LMLN: variants seen among roughly 807,000 people sequenced by gnomAD.
LMLN encodes leishmanolysin-like peptidase.
Under a neutral mutation model 92.3 loss-of-function variants are expected in LMLN, and 70 were observed. The observed-to-expected ratio is 0.76, with a 90% CI of 0.63 to 0.92. LMLN has a LOEUF of 0.92. Among genes scored for constraint, LMLN ranks in the 40% least tolerant of loss-of-function variants. LMLN has a pLI of 0.00. For synonymous variants in LMLN, 308 were observed against 296.2 expected (o/e 1.04, Z -0.41); for missense variants, 691 against 814.6 (o/e 0.85, Z 1.85).
chr3:197,971,944 C>CT (rs756710031), intron 1 of LMLN, among the ~76,000 whole-genome samples: 6,737 of 81,188 alleles, frequency 0.083, 282 homozygotes, highest in African/African-American at 0.15. Flanking sequence ...AGTCTCTGTT[C>CT]TTTTTTTTTT....
intron 11 of LMLN, among the ~76,000 whole-genome samples, chr3:198,000,487 G>T (rs1221520591): frequency 3.9e-5 from 6 of 152,142 alleles, no homozygotes; most frequent in Non-Finnish European, 2.9e-5. Flanking sequence ...GAGTGCAGTG[G>T]TGTGATCTTG....
intron 11 of LMLN, among the ~76,000 whole-genome samples, chr3:198,015,216 T>C (rs13086235): frequency 1.9e-4 from 23 of 120,280 alleles, no homozygotes; most frequent in South Asian, 3.0e-4. Context: ...TTTCAGAGCC[T>C]CCTAACTAGT....
At chr3:197,988,371 C>T (rs1232205139) in intron 8 of LMLN, among the ~76,000 whole-genome samples, 3 of 151,110 alleles carry the variant, frequency 2.0e-5, no homozygotes, top group Non-Finnish European at 2.9e-5. Flanking sequence ...GATTTCTTTA[C>T]ATTTATAGCT....
At position 198,031,117 on chromosome 3, in the gene LMLN, C is replaced by G. The variant is rs1260599546; in HGVS notation, c.1657-4716C>G. ...AGGAAAACATACACATTTATTTAAT[C>G]TAAGTTTTACATGACACAGGAGCCC... is the stretch of plus-strand genomic sequence containing the variant. On this transcript the variant is annotated intron_variant, in intron 14 of 15. Transcript: ENST00000330198. The surrounding 1 kb of genome is among the most constrained non-coding windows in gnomAD (Gnocchi z 4.8). 6.6e-6 allele frequency among the ~76,000 whole-genome samples: 1 copy of G among 152,202 alleles called. No homozygotes were observed. The highest frequency in any genetic ancestry group is 1.5e-5 in the Non-Finnish European group (1 of 68,036).
At chr3:198,020,243 G>A (rs1385314231) in intron 12 of LMLN, among the ~76,000 whole-genome samples, 6 of 152,050 alleles carry the variant, frequency 3.9e-5, no homozygotes, top group African/African-American at 7.2e-5. Flanking sequence ...TGATCTGCCC[G>A]CCTCAGCCTC....
At chr3:198,032,378 G>A (rs1230853020) in intron 14 of LMLN, among the ~76,000 whole-genome samples, 1 of 152,148 alleles carries the variant, frequency 6.6e-6, no homozygotes, top group East Asian at 1.9e-4. Flanking sequence ...GCTCTCTGCT[G>A]TACTTAGTTT....
intron 5 of LMLN, among the ~76,000 whole-genome samples, chr3:197,979,388 G>T (rs1378150894): frequency 2.6e-5 from 4 of 152,072 alleles, no homozygotes; most frequent in Non-Finnish European, 5.9e-5. Context: ...AATAAGATTT[G>T]CTGGGCAAGG....
At chr3:197,976,041 C>G in exon 4 of LMLN, 1 of 1,594,018 alleles carries the variant, frequency 6.3e-7, no homozygotes, top group Non-Finnish European at 8.6e-7. Flanking sequence ...CAAGCTTTTC[C>G]CACAAGCGAT....
chr3:198,018,538 C>T (rs1461450194), intron 11 of LMLN, among the ~76,000 whole-genome samples: 2 of 152,202 alleles, frequency 1.3e-5, no homozygotes, highest in Admixed American at 6.5e-5. Context: ...AAGTATTTTA[C>T]GTGTTTCATC....
intron 1 of LMLN, among the ~76,000 whole-genome samples, chr3:197,973,465 G>C (rs1581132865): frequency 6.6e-6 from 1 of 152,014 alleles, no homozygotes; most frequent in African/African-American, 2.4e-5. Context: ...GATGGTCTCA[G>C]TCTCCTGACC....
chr3:198,029,587 C>T (rs1165520836), intron 14 of LMLN, among the ~76,000 whole-genome samples: 1 of 152,046 alleles, frequency 6.6e-6, no homozygotes, highest in East Asian at 1.9e-4. Context: ...GCATGAGAAT[C>T]GCTTGAACCT....
intron 14 of LMLN, among the ~76,000 whole-genome samples, chr3:198,033,813 T>C (rs1185736374): frequency 6.6e-6 from 1 of 152,254 alleles, no homozygotes; most frequent in African/African-American, 2.4e-5. Flanking sequence ...CGGCGCTTGA[T>C]CAAGTCTCGC....
exon 16 of LMLN, chr3:198,040,306 C>CG (rs1381092374): frequency 6.6e-6 from 1 of 152,240 alleles, no homozygotes; most frequent in Admixed American, 6.5e-5. Flanking sequence ...CTGCATTTGA[C>CG]ACTCCTCCTG....
At chr3:197,991,173 G>A (rs1418991457) in intron 9 of LMLN, among the ~76,000 whole-genome samples, 5 of 143,824 alleles carry the variant, frequency 3.5e-5, no homozygotes, top group African/African-American at 8.0e-5. Flanking sequence ...TAGTGTTTTC[G>A]GCTCACTGCA....
intron 11 of LMLN, among the ~76,000 whole-genome samples, chr3:198,014,790 C>T (rs1230451744): frequency 7.4e-6 from 1 of 134,326 alleles, no homozygotes; most frequent in Non-Finnish European, 1.6e-5. Flanking sequence ...AGTCTGACTT[C>T]TCTCCACCGT....
At chr3:198,035,715 T>A in intron 14 of LMLN, 118 bp from the exon 16 acceptor site, 1 of 833,308 alleles carries the variant, frequency 1.2e-6, no homozygotes, top group South Asian at 2.0e-5. Context: ...TTGTGCTTTA[T>A]AGCCAATGTT....
intron 1 of LMLN, among the ~76,000 whole-genome samples, chr3:197,967,349 C>G (rs374692363): frequency 1.5e-4 from 23 of 152,286 alleles, no homozygotes; most frequent in South Asian, 1.5e-3. Context: ...ACAGCTGGGC[C>G]TCCAGGGATG....
intron 11 of LMLN, among the ~76,000 whole-genome samples, chr3:198,002,728 AC>A (rs1340725329): frequency 6.6e-6 from 1 of 152,220 alleles, no homozygotes; most frequent in African/African-American, 2.4e-5. Flanking sequence ...ACAGAGCAAG[AC>A]CCTGTCTCAA....
At chr3:198,008,566 A>G (rs1722354657) in intron 11 of LMLN, among the ~76,000 whole-genome samples, 1 of 152,188 alleles carries the variant, frequency 6.6e-6, no homozygotes, top group East Asian at 1.9e-4. Flanking sequence ...TCTCTACAAC[A>G]AAATACAAAA....
Sources: gnomAD v4.1 joint callset for allele counts (sites outside exome capture counted in the v4.1 genomes callset) on GRCh38, gnomAD v4.1.1 for gene constraint, Gnocchi (gnomAD v3.1) non-coding constraint, MANE v1.5 for transcripts, NCBI Gene and HGNC (gene_info 2026-07-23, HGNC 2026-07-21) for gene names.